GATAD2B: variants seen among roughly 807,000 people sequenced by gnomAD.
The protein encoded by GATAD2B is transcriptional repressor p66-beta.
A neutral mutation model predicts 64.3 loss-of-function variants in GATAD2B; 8 were observed. The ratio of observed to expected loss-of-function variants is 0.12; its 90% CI spans 0.07 to 0.22. GATAD2B has a LOEUF of 0.22. Among genes scored for constraint, GATAD2B ranks in the 10% least tolerant of loss-of-function variants. The pLI is 1.00. For synonymous variants in GATAD2B, 281 were observed against 271.3 expected (o/e 1.04, Z -0.35); for missense variants, 453 against 752.0 (o/e 0.60, Z 4.65).
chr1:153,861,946 CAG>C (rs952256603), intron 1 of GATAD2B, among the ~76,000 whole-genome samples: 6 of 149,486 alleles, frequency 4.0e-5, no homozygotes, highest in Non-Finnish European at 7.4e-5. Context: ...TTTTAGGATA[CAG>C]AAACAATTCC....
intron 1 of GATAD2B, among the ~76,000 whole-genome samples, chr1:153,867,359 G>T (rs892790839): frequency 6.6e-6 from 1 of 152,068 alleles, no homozygotes; most frequent in African/African-American, 2.4e-5. Context: ...TGGCAAATCA[G>T]AGAAAATAAT....
chr1:153,846,507 G>C (rs1010193574), intron 1 of GATAD2B, among the ~76,000 whole-genome samples: 5 of 150,976 alleles, frequency 3.3e-5, no homozygotes, highest in African/African-American at 1.2e-4. Context: ...TAAAGTGCTA[G>C]GATTACAGGC....
intron 1 of GATAD2B, chr1:153,889,704 G>T (rs1044922686): frequency 1.5e-5 from 11 of 748,822 alleles, no homozygotes; most frequent in African/African-American, 1.9e-5. Flanking sequence ...TATGTTCTCT[G>T]TATTTTCAAC....
chr1:153,864,152 G>A (rs367988932), intron 1 of GATAD2B, among the ~76,000 whole-genome samples: 3 of 152,148 alleles, frequency 2.0e-5, no homozygotes, highest in African/African-American at 4.8e-5. Context: ...CTTCTTCCCA[G>A]ACAAAACATG....
In GATAD2B at chr1:153,817,428, G is replaced by C. The variant is rs778867738; in HGVS notation, c.844C>G (p.Pro282Ala). 6.2e-7 allele frequency: 1 copy of C among 1,611,608 alleles called. No individual in the cohort carries two copies. The highest frequency in any genetic ancestry group is 8.5e-7 in the Non-Finnish European group (1 of 1,179,184). Residue 282 changes from proline (P) to alanine (A), a missense_variant, in exon 6 of 11, where the codon CCT (proline) becomes GCT (alanine). Physicochemically the swap from Pro to Ala is conservative, Grantham distance 27 (BLOSUM62 -1). Around this residue, in one of 2 missense-constraint regions of GATAD2B, gnomAD observed 293 missense variants for 417.2 expected, o/e 0.70. Transcript: ENST00000368655. ...GGTGTTGTGGTGCGTACAAGGCCAGGCTTAGGCGGGCCCCGCTGACCCTGT... is the reference window on the plus strand; with the variant it reads ...GGTGTTGTGGTGCGTACAAGGCCAGCCTTAGGCGGGCCCCGCTGACCCTGT... Reference protein sequence around the residue: ...QLQGQRGPPKPGLVRTTTPNM... With the variant: ...QLQGQRGPPKAGLVRTTTPNM...
chr1:153,850,663 T>C (rs1354634625), intron 1 of GATAD2B, among the ~76,000 whole-genome samples: 2 of 150,812 alleles, frequency 1.3e-5, no homozygotes, highest in Non-Finnish European at 3.0e-5. Flanking sequence ...CTCACACCTG[T>C]AATCCCAGCA....
intron 1 of GATAD2B, among the ~76,000 whole-genome samples, chr1:153,908,563 G>A (rs1051933427): frequency 1.3e-5 from 2 of 151,430 alleles, no homozygotes; most frequent in Non-Finnish European, 2.9e-5. Context: ...CCGCCTCCCG[G>A]GTTCCAGCGA....
At chr1:153,858,566 T>C (rs747039523) in intron 1 of GATAD2B, among the ~76,000 whole-genome samples, 39 of 151,934 alleles carry the variant, frequency 2.6e-4, no homozygotes, top group Non-Finnish European at 3.5e-4. Flanking sequence ...GATCATGCCA[T>C]TGCATTCCAG....
At chr1:153,871,335 G>A (rs1570977179) in intron 1 of GATAD2B, among the ~76,000 whole-genome samples, 1 of 152,104 alleles carries the variant, frequency 6.6e-6, no homozygotes, top group Non-Finnish European at 1.5e-5. Context: ...AAAGTGCTGG[G>A]ATTACAGGCG....
chr1:153,846,176 T>C (rs1278144168), intron 1 of GATAD2B, among the ~76,000 whole-genome samples: 4 of 152,150 alleles, frequency 2.6e-5, no homozygotes, highest in Admixed American at 2.6e-4. Flanking sequence ...ATCACTAACA[T>C]ATTTAGTTTT....
intron 1 of GATAD2B, among the ~76,000 whole-genome samples, chr1:153,838,048 G>A (rs1675336668): frequency 6.6e-6 from 1 of 152,158 alleles, no homozygotes; most frequent in Non-Finnish European, 1.5e-5. Flanking sequence ...CTACTAAGTA[G>A]GTAGTATTGT....
At chr1:153,891,603 TG>T (rs1378171588) in intron 1 of GATAD2B, among the ~76,000 whole-genome samples, 6 of 39,670 alleles carry the variant, frequency 1.5e-4, no homozygotes, top group Admixed American at 4.6e-4. Context: ...AAAAAAGAGG[TG>T]GGGGGGAGAG....
intron 1 of GATAD2B, among the ~76,000 whole-genome samples, chr1:153,836,599 T>C (rs1041882742): frequency 2.1e-5 from 3 of 144,578 alleles, no homozygotes; most frequent in Admixed American, 7.1e-5. Flanking sequence ...GGAAGATCAT[T>C]TGAGCCCAGG....
chr1:153,827,633 C>A, intron 2 of GATAD2B: 1 of 192,132 alleles, frequency 5.2e-6, no homozygotes, highest in East Asian at 1.4e-4. Context: ...GCTGGGACTC[C>A]ACAATAAATA....
chr1:153,896,917 G>T (rs1044709169), intron 1 of GATAD2B, among the ~76,000 whole-genome samples: 1 of 152,070 alleles, frequency 6.6e-6, no homozygotes, highest in Admixed American at 6.6e-5. Flanking sequence ...GGCAACATTA[G>T]TAAGACCCAT....
intron 1 of GATAD2B, among the ~76,000 whole-genome samples, chr1:153,872,441 T>C (rs1264489000): frequency 6.6e-6 from 1 of 152,046 alleles, no homozygotes; most frequent in African/African-American, 2.4e-5. Context: ...CTTTATACTT[T>C]GAGTGGATCT....
At chr1:153,831,767 T>C (rs1675082699) in intron 1 of GATAD2B, among the ~76,000 whole-genome samples, 1 of 152,150 alleles carries the variant, frequency 6.6e-6, no homozygotes, top group South Asian at 2.1e-4. Context: ...CAATCAACAC[T>C]ATATAAGTGA....
intron 1 of GATAD2B, among the ~76,000 whole-genome samples, chr1:153,885,721 G>C (rs927282456): frequency 1.3e-5 from 2 of 151,888 alleles, no homozygotes; most frequent in African/African-American, 4.8e-5. Context: ...AAATTAGCCG[G>C]GCGTGGTGGT....
At chr1:153,900,179 A>G (rs1677723868) in intron 1 of GATAD2B, among the ~76,000 whole-genome samples, 1 of 152,082 alleles carries the variant, frequency 6.6e-6, no homozygotes, top group Non-Finnish European at 1.5e-5. Flanking sequence ...GCACTTTGGG[A>G]GGCCGAGGCA....
Sources: allele counts gnomAD v4.1 joint callset (sites outside exome capture counted in the v4.1 genomes callset), GRCh38; gene constraint gnomAD v4.1.1; regional missense constraint gnomAD v4.1.1; transcripts MANE v1.5; gene names NCBI Gene and HGNC (gene_info 2026-07-23, HGNC 2026-07-21).